XRCC4: variants seen among roughly 807,000 people sequenced by gnomAD.
XRCC4 encodes the protein X-ray repair cross complementing 4.
A neutral mutation model predicts 39.1 loss-of-function variants in XRCC4; 28 were observed. The ratio of observed to expected loss-of-function variants is 0.72; its 90% CI spans 0.53 to 0.98. The LOEUF (loss-of-function observed/expected upper bound fraction) is 0.98. Among genes scored for constraint, XRCC4 ranks in the 50% least tolerant of loss-of-function variants. The pLI is 0.00. For missense variants in XRCC4, 350 were observed against 376.4 expected, an observed-to-expected ratio of 0.93 and a Z score of 0.58; for synonymous variants, 123 against 126.4, an observed-to-expected ratio of 0.97 and a Z score of 0.18.
chr5:83,079,310 A>G (rs149393287), intron 1 of XRCC4, among the ~76,000 whole-genome samples: 9 of 152,356 alleles, frequency 5.9e-5, no homozygotes, highest in Admixed American at 5.2e-4. Context: ...GCATTTATGT[A>G]AAACATCAAA....
At chr5:83,161,023 T>A (rs1049022627) in intron 3 of XRCC4, among the ~76,000 whole-genome samples, 1 of 152,172 alleles carries the variant, frequency 6.6e-6, no homozygotes, top group Non-Finnish European at 1.5e-5. Flanking sequence ...ATGAGGTAGA[T>A]GTTGTCATTG....
chr5:83,291,666 T>G (rs56021719), intron 7 of XRCC4, among the ~76,000 whole-genome samples: 4,885 of 151,818 alleles, frequency 0.032, 240 homozygotes, highest in African/African-American at 0.11. Flanking sequence ...GCTGGGCCTG[T>G]TTTTTTCAAA....
chr5:83,160,411 T>G (rs2112581601), intron 3 of XRCC4, among the ~76,000 whole-genome samples: 1 of 152,340 alleles, frequency 6.6e-6, no homozygotes, highest in African/African-American at 2.4e-5. Context: ...AGTATCTGTT[T>G]GGAAAGCAGT....
rs1347781171 is a variant in XRCC4, at chr5:83,276,222, AACTCATGTATTTTATTAAAT to A, written c.893+17549_893+17568del. Among the ~76,000 whole-genome samples the A allele has an allele frequency of 6.6e-5, 10 of 152,322 alleles. No homozygotes were observed. The East Asian group carries it at 1.9e-3, about 29-fold the overall frequency. ...CTATTTTAATAATAAAGTGTTGAATAACTCATGTATTTTATTAAATACTGTACAGAAAGTGCTCTGAGCAT... is the reference window on the plus strand; with the variant it reads ...CTATTTTAATAATAAAGTGTTGAATAACTGTACAGAAAGTGCTCTGAGCAT... On this transcript the variant is annotated intron_variant, in intron 7 of 7. Coordinates refer to ENST00000396027, the MANE Select transcript of XRCC4 (RefSeq NM_003401.5).
chr5:83,353,348 C>A lies in XRCC4; in HGVS notation c.*106C>A. The A allele has an allele frequency of 1.2e-6, 1 of 845,792 alleles. No individual in the cohort carries two copies. Among genetic ancestry groups the A allele is most frequent in the South Asian group, 1.9e-5 (1 of 51,582 alleles). 52.4% of individuals were successfully genotyped at this position (845,792 alleles called of 1,614,324 possible). A position where few individuals can be genotyped will look rare whatever the true frequency, so the allele number is the denominator to read the frequency against. ...CAGCAGCCGCTATTACCGTATCTTA[C>A]AATTTAATTACATACACAGTGAATT... On this transcript the variant is annotated 3_prime_UTR_variant, in exon 8 of 8. Coordinates refer to ENST00000396027, the MANE Select transcript of XRCC4 (RefSeq NM_003401.5).
chr5:83,247,567 G>A (rs542693769), intron 6 of XRCC4, among the ~76,000 whole-genome samples: 138 of 152,322 alleles, frequency 9.1e-4, no homozygotes, highest in African/African-American at 3.2e-3. Context: ...GACCAAGGAA[G>A]CATCAGAGGA....
chr5:83,300,337 T>C (rs541701027), intron 7 of XRCC4, among the ~76,000 whole-genome samples: 1 of 152,166 alleles, frequency 6.6e-6, no homozygotes, highest in South Asian at 2.1e-4. Context: ...ATGTTCTCTT[T>C]CTCTCTCTCT....
chr5:83,101,680 G>T (rs758656497), intron 1 of XRCC4, among the ~76,000 whole-genome samples: 24 of 152,048 alleles, frequency 1.6e-4, no homozygotes, highest in Non-Finnish European at 2.6e-4. Context: ...TCTAATGGCA[G>T]ACTATACAGG....
At position 83,104,830 on chromosome 5, in the gene XRCC4, G is replaced by A. The variant is rs1318058579; in HGVS notation, c.-10-80G>A. Reference sequence around the variant, plus strand: ...ATTTTCTTATTTCCTTGGTGTTTGTGTAGCTGAGAGGCCAGTACAGAAAAC... The same window carrying A: ...ATTTTCTTATTTCCTTGGTGTTTGTATAGCTGAGAGGCCAGTACAGAAAAC... On this transcript the variant is annotated intron_variant, in intron 1 of 7. Coordinates refer to ENST00000396027, the MANE Select transcript of XRCC4 (RefSeq NM_003401.5). 6.9e-6 allele frequency: 9 copies of A among 1,308,168 alleles called. No individual in the cohort carries two copies. The South Asian group carries it at 1.2e-4, about 17-fold the overall frequency. The allele number at this position is 1,308,168 out of a possible 1,614,324, so 81.0% of individuals were successfully genotyped here.
intron 1 of XRCC4, among the ~76,000 whole-genome samples, chr5:83,092,209 G>C (rs1745461630): frequency 6.6e-6 from 1 of 152,056 alleles, no homozygotes; most frequent in South Asian, 2.1e-4. Context: ...TGGATTATCT[G>C]TTTTGTTTCT....
At chr5:83,195,161 C>G (rs1750886485) in intron 3 of XRCC4, among the ~76,000 whole-genome samples, 1 of 151,922 alleles carries the variant, frequency 6.6e-6, no homozygotes, top group Admixed American at 6.6e-5. Context: ...AAACTGTACC[C>G]TAGTAGAGGA....
intron 1 of XRCC4, among the ~76,000 whole-genome samples, chr5:83,101,750 A>G (rs1442874340): frequency 6.6e-6 from 1 of 152,144 alleles, no homozygotes; most frequent in Non-Finnish European, 1.5e-5. Context: ...ACTTAGAAGA[A>G]GAAGTTTATC....
chr5:83,247,023 C>T (rs908282842), intron 6 of XRCC4, among the ~76,000 whole-genome samples: 1 of 152,006 alleles, frequency 6.6e-6, no homozygotes, highest in Non-Finnish European at 1.5e-5. Context: ...ATTGTGTTTG[C>T]TAGGTAAATA....
chr5:83,196,861 G>A (rs766763571), intron 4 of XRCC4, among the ~76,000 whole-genome samples: 11 of 151,856 alleles, frequency 7.2e-5, no homozygotes, highest in East Asian at 1.9e-4. Context: ...TGATTGCTCT[G>A]TATAGACGTT....
At chr5:83,228,724 C>T (rs1752381858) in intron 6 of XRCC4, among the ~76,000 whole-genome samples, 1 of 151,990 alleles carries the variant, frequency 6.6e-6, no homozygotes, top group African/African-American at 2.4e-5. Flanking sequence ...AACAATTATT[C>T]CATTATGTTC....
At chr5:83,114,209 G>A (rs962160162) in intron 3 of XRCC4, among the ~76,000 whole-genome samples, 4 of 152,162 alleles carry the variant, frequency 2.6e-5, no homozygotes, top group Admixed American at 2.0e-4. Context: ...AATGGGAGGG[G>A]CTCCTGTGAA....
chr5:83,115,870 G>T (rs1438219416), intron 3 of XRCC4, among the ~76,000 whole-genome samples: 2 of 152,186 alleles, frequency 1.3e-5, no homozygotes, highest in Non-Finnish European at 2.9e-5. Flanking sequence ...AGAAAGAAAA[G>T]AATATTCTCA....
chr5:83,316,483 G>A (rs1755887731), intron 7 of XRCC4, among the ~76,000 whole-genome samples: 1 of 150,620 alleles, frequency 6.6e-6, no homozygotes, highest in African/African-American at 2.4e-5. Context: ...ACACACATAG[G>A]CTCAAAATAA....
At chr5:83,156,774 G>C (rs28360087) in intron 3 of XRCC4, among the ~76,000 whole-genome samples, 2,270 of 152,200 alleles carry the variant, frequency 0.015, 71 homozygotes, top group African/African-American at 0.052. Flanking sequence ...GGAAGATGCA[G>C]ATGCATAATT....
Sources: gnomAD v4.1 joint callset for allele counts (sites outside exome capture counted in the v4.1 genomes callset) on GRCh38, gnomAD v4.1.1 for gene constraint, MANE v1.5 for transcripts, NCBI Gene and HGNC (gene_info 2026-07-23, HGNC 2026-07-21) for gene names.